PLEKHG5: variants seen among roughly 807,000 people sequenced by gnomAD.
PLEKHG5 encodes pleckstrin homology and RhoGEF domain containing G5.
PLEKHG5 carries 52 observed loss-of-function variants against 103.8 expected under a neutral mutation model. That is an observed-to-expected ratio of 0.50 (90% CI 0.40 to 0.63). The LOEUF (loss-of-function observed/expected upper bound fraction) is 0.63, where lower values mean the gene tolerates loss of function less well. Ranked by LOEUF, PLEKHG5 falls within the 30% of genes least tolerant of loss-of-function variation. PLEKHG5 has a pLI of 0.00. For synonymous variants in PLEKHG5, 592 were observed against 575.5 expected (o/e 1.03, Z -0.41); for missense variants, 1,205 against 1,347.6 (o/e 0.89, Z 1.66).
intron 1 of PLEKHG5, among the ~76,000 whole-genome samples, chr1:6,485,128 C>G (rs1644995951): frequency 1.3e-5 from 2 of 152,158 alleles, no homozygotes; most frequent in African/African-American, 4.8e-5. Flanking sequence ...GGACACACCC[C>G]GGAGTCCGAG....
chr1:6,468,517 G>T lies in PLEKHG5; in HGVS notation c.2319C>A (p.Pro773=). The change falls in exon 20 of 21, where the codon CCC becomes CCA. Residue 773 remains proline, a synonymous_variant. Transcript: ENST00000377728. ...VVEPGDTLSS[P]EFDSGPFSSQ... Reference sequence around the variant, plus strand: ...AGCTGAAAGGACCGCTGTCGAACTCGGGGGAGGACAGCGTGTCCCCAGGCT... The same window carrying T: ...AGCTGAAAGGACCGCTGTCGAACTCTGGGGAGGACAGCGTGTCCCCAGGCT... 1 of 1,612,846 alleles carries T rather than the reference G, an allele frequency of 6.2e-7. No individual in the cohort carries two copies. Among genetic ancestry groups the T allele is most frequent in the Non-Finnish European group, 8.5e-7 (1 of 1,179,840 alleles).
At chr1:6,503,998 C>A (rs559364154) in intron 1 of PLEKHG5, among the ~76,000 whole-genome samples, 1 of 152,326 alleles carries the variant, frequency 6.6e-6, no homozygotes, top group South Asian at 2.1e-4. Context: ...CCCCACTTTG[C>A]CCCACCCTGC....
exon 1 of PLEKHG5, chr1:6,519,560 C>CCAAT (rs1242487118): frequency 7.2e-7 from 1 of 1,381,020 alleles, no homozygotes; most frequent in South Asian, 1.2e-5. Flanking sequence ...CAGCCACATG[C>CCAAT]CAATGCCACA....
At chr1:6,475,000 C>T (rs1644716786) in intron 5 of PLEKHG5, 47 bp downstream of exon 5, 1 of 1,148,308 alleles carries the variant, frequency 8.7e-7, no homozygotes, top group Admixed American at 1.7e-5. Context: ...CATGGGGCCA[C>T]CCCTACTCCC....
chr1:6,484,556 T>A (rs934449781), intron 1 of PLEKHG5, among the ~76,000 whole-genome samples: 1 of 151,972 alleles, frequency 6.6e-6, no homozygotes, highest in African/African-American at 2.4e-5. Context: ...CAGTTTCTGC[T>A]CCCCGTTCTG....
At position 6,471,476 on chromosome 1, in the gene PLEKHG5, C is replaced by T. The variant is rs1644585061; in HGVS notation, c.1281+12G>A. 1 of 1,608,844 alleles carries T rather than the reference C, an allele frequency of 6.2e-7. No homozygotes were observed. The highest frequency in any genetic ancestry group is 8.5e-7 in the Non-Finnish European group (1 of 1,178,512). The stretch of plus-strand genomic sequence containing the variant: ...CCTCAGTGCCCCCGCCTGCGCCCGG[C>T]CCCGCCCGTACCATCTTGAAGCCTT... On this transcript the variant is annotated intron_variant, in intron 12 of 20. Transcript: ENST00000377728.
Position 6,471,090 on chromosome 1 carries a change from A to G in PLEKHG5, c.1292T>C (p.Leu431Pro), listed in dbSNP as rs746661057. The G allele has an allele frequency of 6.3e-7, 1 of 1,584,132 alleles. No homozygotes were observed. The highest frequency in any genetic ancestry group is 8.6e-7 in the Non-Finnish European group (1 of 1,166,434). The change falls in exon 13 of 21, where the codon CTC becomes CCC. Residue 431 changes from leucine (L) to proline (P), a missense_variant. Physicochemically the swap from Leu to Pro is moderately conservative, Grantham distance 98 (BLOSUM62 -3). Coordinates refer to ENST00000377728, the MANE Select transcript of PLEKHG5 (RefSeq NM_020631.6). The part of the protein sequence containing the change: ...FLKGFKMFGS[L>P]FKPYIRYCME... ...GCAGTAGCGGATGTAGGGCTTGAAG[A>G]GCGAGCCGAACTGGCCCGGGGCAGA... is the stretch of plus-strand genomic sequence containing the variant.
intron 1 of PLEKHG5, among the ~76,000 whole-genome samples, chr1:6,479,575 C>G (rs529892199): frequency 6.6e-6 from 1 of 151,608 alleles, no homozygotes; most frequent in South Asian, 2.1e-4. Flanking sequence ...CGTGAGCCAC[C>G]GTGCCCAGCC....
chr1:6,474,662 G>T lies in PLEKHG5; in HGVS notation c.303-75C>A, dbSNP rs1644705637. 5 of 1,336,718 alleles carry T rather than the reference G, an allele frequency of 3.7e-6. No homozygotes were observed. In the African/African-American group the frequency reaches 5.1e-5, roughly 14 times the overall value. 82.8% of individuals were successfully genotyped at this position (1,336,718 alleles called of 1,614,324 possible). ...TTCAGCTTGGGCCCCGCCCCCACGA[G>T]CCCCCGCCCCACCCACAGCCCCAGC... is the stretch of plus-strand genomic sequence containing the variant. On this transcript the variant is annotated intron_variant, in intron 5 of 20. Coordinates refer to ENST00000377728, the MANE Select transcript of PLEKHG5 (RefSeq NM_020631.6).
At chr1:6,516,709 T>G (rs1487642377) in intron 1 of PLEKHG5, among the ~76,000 whole-genome samples, 1 of 151,456 alleles carries the variant, frequency 6.6e-6, no homozygotes, top group Non-Finnish European at 1.5e-5. Flanking sequence ...GGCAAGTTTT[T>G]TGTACTGGCA....
chr1:6,474,019 G>A lies in PLEKHG5; in HGVS notation c.585C>T (p.Asp195=). The part of the protein sequence containing the change: ...VDAQSRRESL[D]ILAPGRRRKN... ...CACACCCCCTCCTCCTCACCAAGAT[G>A]TCCAGGCTCTCCCGGCGGCTCTGGG... The change falls in exon 7 of 21, where the codon GAC becomes GAT. Residue 195 remains aspartate (D), a synonymous_variant. Coordinates refer to ENST00000377728, the MANE Select transcript of PLEKHG5 (RefSeq NM_020631.6). 1 of 1,326,298 alleles carries A rather than the reference G, an allele frequency of 7.5e-7. No homozygotes were observed. Among genetic ancestry groups the A allele is most frequent in the African/African-American group, 1.5e-5 (1 of 67,048 alleles). The allele number at this position is 1,326,298 out of a possible 1,614,324, so 82.2% of individuals were successfully genotyped here. A position where few individuals can be genotyped will look rare whatever the true frequency, so the allele number is the denominator to read the frequency against.
chr1:6,506,441 C>A (rs79739762), intron 1 of PLEKHG5, among the ~76,000 whole-genome samples: 1,598 of 152,328 alleles, frequency 0.01, 33 homozygotes, highest in African/African-American at 0.036. Flanking sequence ...GAGCCCCCAC[C>A]GAGGAGACGG....
At chr1:6,507,762 G>A (rs549350081) in intron 1 of PLEKHG5, among the ~76,000 whole-genome samples, 22 of 152,316 alleles carry the variant, frequency 1.4e-4, no homozygotes, top group Admixed American at 2.6e-4. Context: ...CTGCCTGGCC[G>A]GCCCCTCCCG....
At chr1:6,506,136 C>G (rs528367319) in intron 1 of PLEKHG5, 2 of 152,666 alleles carry the variant, frequency 1.3e-5, no homozygotes, top group African/African-American at 2.4e-5. Flanking sequence ...GTAGGTGCCC[C>G]GCTTCCTCCA....
rs193245630 is a variant in PLEKHG5, at chr1:6,468,267, G to A, written c.2569C>T (p.Arg857Cys). The A allele has an allele frequency of 5.5e-5, 89 of 1,605,188 alleles. No individual in the cohort carries two copies. The highest frequency in any genetic ancestry group is 1.8e-4 in the East Asian group (8 of 44,648). ...PRVPSPPPSP[R>C]LRRRTPVQLL... Reference sequence around the variant, plus strand: ...TGGACAGGGGTGCGGCGGCGGAGACGGGGCGAGGGTGGAGGGGAAGGAACT... The same window carrying A: ...TGGACAGGGGTGCGGCGGCGGAGACAGGGCGAGGGTGGAGGGGAAGGAACT... The change falls in exon 20 of 21, where the codon CGT becomes TGT. Residue 857 changes from arginine (R) to cysteine (C), a missense_variant. Coordinates refer to ENST00000377728, the MANE Select transcript of PLEKHG5 (RefSeq NM_020631.6).
chr1:6,498,182 C>T (rs1178802395), upstream of PLEKHG5, among the ~76,000 whole-genome samples: 1 of 152,176 alleles, frequency 6.6e-6, no homozygotes, highest in East Asian at 1.9e-4. Flanking sequence ...GCCTCTGGAC[C>T]CCCAGCCCAC....
chr1:6,510,269 C>T (rs1638438502), intron 1 of PLEKHG5, among the ~76,000 whole-genome samples: 3 of 152,134 alleles, frequency 2.0e-5, no homozygotes, highest in South Asian at 2.1e-4. Flanking sequence ...CCTCCCCAAA[C>T]GCTCCACCAG....
chr1:6,506,320 A>G (rs906024788), intron 1 of PLEKHG5, among the ~76,000 whole-genome samples: 1 of 152,054 alleles, frequency 6.6e-6, no homozygotes, highest in Non-Finnish European at 1.5e-5. Context: ...GCATTCTGGG[A>G]GCGGCTGGGG....
chr1:6,474,034 G>A lies in PLEKHG5; in HGVS notation c.570C>T (p.Arg190=). ...TCACCAAGATGTCCAGGCTCTCCCG[G>A]CGGCTCTGGGCGTCCACACGCTCCA... is the stretch of plus-strand genomic sequence containing the variant. ...PALERVDAQS[R]RESLDILAPG... Residue 190 remains arginine (R), a synonymous_variant, in exon 7 of 21, where the codon CGC becomes CGT. Transcript: ENST00000377728. The A allele has an allele frequency of 6.3e-7, 1 of 1,590,340 alleles. No homozygotes were observed. Among genetic ancestry groups the A allele is most frequent in the Non-Finnish European group, 8.6e-7 (1 of 1,167,742 alleles).
Sources: allele counts gnomAD v4.1 joint callset (sites outside exome capture counted in the v4.1 genomes callset), GRCh38; gene constraint gnomAD v4.1.1; transcripts MANE v1.5; gene names NCBI Gene and HGNC (gene_info 2026-07-23, HGNC 2026-07-21).